The following ARID1B variants were observed in gnomAD, a reference collection of about 807,000 sequenced individuals.
ARID1B encodes AT-rich interactive domain-containing protein 1B.
ARID1B carries 30 observed loss-of-function variants against 212.3 expected under a neutral mutation model. That is an observed-to-expected ratio of 0.14 (90% confidence interval 0.11 to 0.19). ARID1B has a LOEUF of 0.19. ARID1B is among the 10% of genes least tolerant of loss of function. The pLI is 1.00. For missense variants in ARID1B, 2,891 were observed against 3,204.0 expected (o/e 0.90, Z 2.36); for synonymous variants, 1,402 against 1,301.7 (o/e 1.08, Z -1.66).
intron 4 of ARID1B, among the ~76,000 whole-genome samples, chr6:157,006,972 C>A (rs186688932): frequency 1.3e-5 from 2 of 152,206 alleles, no homozygotes; most frequent in Admixed American, 1.3e-4. Context: ...CACACAGACA[C>A]GCAAAGTTTA....
chr6:157,151,619 T>G (rs2128643080), intron 8 of ARID1B: 1 of 152,324 alleles, frequency 6.6e-6, no homozygotes. Flanking sequence ...TAATATCAGG[T>G]TCTGTCACCA....
rs1362932156 is a variant in ARID1B, at chr6:157,203,066, GATAAA to G, written c.5264-793_5264-789del. Among the ~76,000 whole-genome samples the G allele has an allele frequency of 1.3e-5, 2 of 152,044 alleles. No homozygotes were observed. Among genetic ancestry groups the G allele is most frequent in the African/African-American group, 2.4e-5 (1 of 41,374 alleles). ...AGCTATCTTAGAAAATTTTAAAACAGATAAAATAAAAGTGGAAAAGCCACGGTGTC... is the reference window on the plus strand; with the variant it reads ...AGCTATCTTAGAAAATTTTAAAACAGATAAAAGTGGAAAAGCCACGGTGTC... On this transcript the variant is annotated intron_variant, in intron 18 of 19. Transcript: ENST00000636930. The surrounding 1 kb of genome is among the most constrained non-coding windows in gnomAD (Gnocchi z 4.4).
At chr6:157,039,636 TC>T (rs2128516553) in intron 4 of ARID1B, among the ~76,000 whole-genome samples, 2 of 123,950 alleles carry the variant, frequency 1.6e-5, no homozygotes, top group Admixed American at 7.7e-5. Context: ...CTTCCTTCCT[TC>T]CTTCCTTCTT....
At chr6:156,807,391 A>G (rs138886034) in intron 1 of ARID1B, among the ~76,000 whole-genome samples, 249 of 150,962 alleles carry the variant, frequency 1.6e-3, no homozygotes, top group African/African-American at 5.7e-3. Flanking sequence ...TTCATGTTCT[A>G]GGAGCTCTGT....
chr6:156,832,876 T>C (rs763015445), intron 2 of ARID1B, among the ~76,000 whole-genome samples: 1 of 152,210 alleles, frequency 6.6e-6, no homozygotes, highest in Non-Finnish European at 1.5e-5. Context: ...ACTGGATCTT[T>C]GAAGCATGAC....
intron 1 of ARID1B, among the ~76,000 whole-genome samples, chr6:156,799,120 GA>G (rs1351470744): frequency 6.6e-6 from 1 of 152,128 alleles, no homozygotes; most frequent in East Asian, 1.9e-4. Flanking sequence ...ATGATATGTG[GA>G]ACCTCAAAGG....
chr6:157,024,830 C>G (rs1422104229), intron 4 of ARID1B: 1 of 152,146 alleles, frequency 6.6e-6, no homozygotes, highest in Non-Finnish European at 1.5e-5. Context: ...GACTACATTT[C>G]AAGCTTTTTG....
At chr6:157,054,776 A>G (rs527636770) in intron 4 of ARID1B, among the ~76,000 whole-genome samples, 20 of 152,330 alleles carry the variant, frequency 1.3e-4, no homozygotes, top group African/African-American at 4.8e-4. Flanking sequence ...AATCTTTGAA[A>G]ATGATGCAAT....
intron 4 of ARID1B, among the ~76,000 whole-genome samples, chr6:156,956,250 G>C (rs1202078515): frequency 6.6e-6 from 1 of 152,042 alleles, no homozygotes; most frequent in East Asian, 1.9e-4. Context: ...GTTCATGGAG[G>C]CTGGCCCATA....
chr6:156,818,071 C>G (rs1211498869), intron 1 of ARID1B, among the ~76,000 whole-genome samples: 1 of 129,582 alleles, frequency 7.7e-6, no homozygotes, highest in Admixed American at 7.8e-5. Flanking sequence ...TTCTGTCTGG[C>G]CTTTATATGT....
chr6:156,845,684 A>G (rs1488892054), intron 2 of ARID1B, among the ~76,000 whole-genome samples: 1 of 152,114 alleles, frequency 6.6e-6, no homozygotes, highest in African/African-American at 2.4e-5. Context: ...AATGTGGATG[A>G]ACTTTGGAGT....
At chr6:156,876,917 A>G (rs968777562) in intron 2 of ARID1B, among the ~76,000 whole-genome samples, 1 of 152,088 alleles carries the variant, frequency 6.6e-6, no homozygotes, top group African/African-American at 2.4e-5. Context: ...TGTTTTTGAG[A>G]TGGAGTCTTG....
intron 4 of ARID1B, among the ~76,000 whole-genome samples, chr6:156,967,279 A>G (rs1393137734): frequency 2.0e-5 from 3 of 152,232 alleles, no homozygotes; most frequent in Admixed American, 1.3e-4. Context: ...ACACATGGCC[A>G]CATACATACA....
chr6:157,035,937 G>A (rs913926500), intron 4 of ARID1B, among the ~76,000 whole-genome samples: 1 of 152,140 alleles, frequency 6.6e-6, no homozygotes, highest in Non-Finnish European at 1.5e-5. Flanking sequence ...TTTATAGCAG[G>A]ATACATTAGA....
At chr6:156,871,736 G>T (rs945227682) in intron 2 of ARID1B, 25 of 1,492,142 alleles carry the variant, frequency 1.7e-5, no homozygotes, top group Non-Finnish European at 2.2e-5. Flanking sequence ...CATCTGTGTT[G>T]TTCCCCTCCT....
At chr6:156,921,438 AACACACACACACACACAC>A (rs10560265) in intron 3 of ARID1B, among the ~76,000 whole-genome samples, 2,444 of 135,998 alleles carry the variant, frequency 0.018, 80 homozygotes, top group African/African-American at 0.063. Context: ...TTGATGGGAA[AACACACACACACACACAC>A]ACACACACAC....
chr6:156,791,081 A>G (rs1343872012), intron 1 of ARID1B, among the ~76,000 whole-genome samples: 2 of 152,238 alleles, frequency 1.3e-5, no homozygotes, highest in East Asian at 3.8e-4. Context: ...TTTAGTCTAA[A>G]TACCCTTTCC....
chr6:156,935,598 T>G (rs1325750627), intron 4 of ARID1B, 22 bp downstream of exon 4: 2 of 1,572,598 alleles, frequency 1.3e-6, no homozygotes, highest in Admixed American at 3.4e-5. Context: ...TTGTGCTGAT[T>G]TGGAAATGTA....
intron 2 of ARID1B, among the ~76,000 whole-genome samples, chr6:156,874,107 C>T (rs1195364000): frequency 6.6e-6 from 1 of 152,214 alleles, no homozygotes; most frequent in Non-Finnish European, 1.5e-5. Context: ...AACAGGGTCT[C>T]ACTCTGTCAC....
Sources: allele counts gnomAD v4.1 joint callset (sites outside exome capture counted in the v4.1 genomes callset), GRCh38; gene constraint gnomAD v4.1.1; non-coding constraint Gnocchi (gnomAD v3.1); transcripts MANE v1.5; gene names NCBI Gene and HGNC (gene_info 2026-07-23, HGNC 2026-07-21).